DLGAP2: variants seen among roughly 807,000 people sequenced by gnomAD.
DLGAP2 encodes the protein disks large-associated protein 2.
In DLGAP2, 26 loss-of-function variants were observed where a neutral mutation model predicts 100.3. The observed-to-expected ratio is 0.26, with a 90% CI of 0.19 to 0.36. DLGAP2 has a LOEUF of 0.36. Among genes scored for constraint, DLGAP2 ranks in the 10% least tolerant of loss-of-function variants. The pLI, the probability that DLGAP2 is intolerant of heterozygous loss-of-function variation, is 1.00. For synonymous variants in DLGAP2, 886 were observed against 630.1 expected, an observed-to-expected ratio of 1.41 and a Z score of -6.08; for missense variants, 1,858 against 1,453.2, an observed-to-expected ratio of 1.28 and a Z score of -4.53.
chr8:1,319,126 C>G (rs991764452), intron 3 of DLGAP2, among the ~76,000 whole-genome samples: 21 of 152,228 alleles, frequency 1.4e-4, no homozygotes, highest in African/African-American at 4.8e-4. Context: ...GAGGGCCAAG[C>G]TCAGCTGGGA....
intron 4 of DLGAP2, among the ~76,000 whole-genome samples, chr8:1,501,998 T>C (rs190244547): frequency 2.8e-4 from 43 of 152,358 alleles, no homozygotes; most frequent in Admixed American, 1.3e-3. Context: ...CATCAGTCTT[T>C]TGACATGGAG....
chr8:1,460,333 C>G (rs544178998), intron 3 of DLGAP2, among the ~76,000 whole-genome samples: 1 of 152,232 alleles, frequency 6.6e-6, no homozygotes, highest in Non-Finnish European at 1.5e-5. Flanking sequence ...AGAAACTAAA[C>G]CACGGGCTCT....
intron 1 of DLGAP2, among the ~76,000 whole-genome samples, chr8:860,343 G>T (rs538429564): frequency 1.3e-5 from 2 of 152,212 alleles, no homozygotes; most frequent in African/African-American, 4.8e-5. Flanking sequence ...TGACACCAGC[G>T]AATAGCAGAG....
At chr8:1,359,729 G>C (rs1175662619) in intron 3 of DLGAP2, among the ~76,000 whole-genome samples, 1 of 152,232 alleles carries the variant, frequency 6.6e-6, no homozygotes, top group Non-Finnish European at 1.5e-5. Context: ...CGCGTTCCCT[G>C]CGCAGCGTGG....
chr8:1,319,520 A>G (rs1342109205), intron 3 of DLGAP2, among the ~76,000 whole-genome samples: 1 of 152,192 alleles, frequency 6.6e-6, no homozygotes, highest in East Asian at 1.9e-4. Flanking sequence ...CAGAGTGTTC[A>G]TTATGGGAAT....
At chr8:972,933 G>C (rs1269750124) in intron 2 of DLGAP2, among the ~76,000 whole-genome samples, 1 of 152,168 alleles carries the variant, frequency 6.6e-6, no homozygotes, top group African/African-American at 2.4e-5. Context: ...CACCGTGTTG[G>C]GGGTAAGGTC....
chr8:1,206,589 G>GTGATTAATCTC (rs1797999097), intron 2 of DLGAP2, among the ~76,000 whole-genome samples: 1 of 78,296 alleles, frequency 1.3e-5, no homozygotes, highest in African/African-American at 6.9e-5. Flanking sequence ...TAGACTGTGA[G>GTGATTAATCTC]CAGTTAATCT....
chr8:1,314,010 C>T (rs548161896), intron 3 of DLGAP2, among the ~76,000 whole-genome samples: 77 of 152,158 alleles, frequency 5.1e-4, no homozygotes, highest in African/African-American at 1.5e-3. Flanking sequence ...CTGTATGATA[C>T]GAAACACGTG....
At chr8:937,490 T>C (rs1159588731) in intron 2 of DLGAP2, among the ~76,000 whole-genome samples, 3 of 152,182 alleles carry the variant, frequency 2.0e-5, no homozygotes, top group Middle Eastern at 3.2e-3. Flanking sequence ...TGTCGCATGA[T>C]TTTCAAAGCC....
intron 3 of DLGAP2, among the ~76,000 whole-genome samples, chr8:1,451,709 T>C (rs893633884): frequency 5.9e-5 from 9 of 152,150 alleles, no homozygotes. Flanking sequence ...AGCCTCATGC[T>C]GCCTCCGCCT....
At chr8:1,507,067 C>T (rs57467928) in intron 4 of DLGAP2, among the ~76,000 whole-genome samples, 8,758 of 152,322 alleles carry the variant, frequency 0.057, 872 homozygotes, top group African/African-American at 0.2. Flanking sequence ...TAAAAGTTCT[C>T]CAAGTCCCCA....
chr8:1,143,386 T>G (rs1251527057), intron 2 of DLGAP2, among the ~76,000 whole-genome samples: 1 of 152,196 alleles, frequency 6.6e-6, no homozygotes, highest in Non-Finnish European at 1.5e-5. Context: ...CCACTCTGAG[T>G]ATCTCCCCTT....
At chr8:1,312,216 C>G (rs959819983) in intron 3 of DLGAP2, among the ~76,000 whole-genome samples, 1 of 152,202 alleles carries the variant, frequency 6.6e-6, no homozygotes, top group Non-Finnish European at 1.5e-5. Flanking sequence ...GATCACAGAC[C>G]TAAATATAAA....
chr8:914,786 G>C (rs117058068), intron 2 of DLGAP2, among the ~76,000 whole-genome samples: 1 of 152,356 alleles, frequency 6.6e-6, no homozygotes, highest in Non-Finnish European at 1.5e-5. Context: ...TGTGCTGAGA[G>C]GGTTCATGAC....
At chr8:1,377,441 G>C (rs1783049123) in intron 3 of DLGAP2, among the ~76,000 whole-genome samples, 1 of 152,344 alleles carries the variant, frequency 6.6e-6, no homozygotes, top group East Asian at 1.9e-4. Context: ...CTACTCTGGA[G>C]GCTGAGACAG....
chr8:744,529 C>T (rs1465398684), intron 1 of DLGAP2, among the ~76,000 whole-genome samples: 8 of 151,874 alleles, frequency 5.3e-5, no homozygotes, highest in African/African-American at 7.3e-5. Context: ...CTGCTCCCCA[C>T]GGTCACTCCC....
intron 3 of DLGAP2, among the ~76,000 whole-genome samples, chr8:1,456,385 G>A (rs186533166): frequency 5.3e-5 from 8 of 152,228 alleles, no homozygotes; most frequent in Admixed American, 2.0e-4. Flanking sequence ...TAATGGTGCC[G>A]TGTATCTAAA....
intron 3 of DLGAP2, among the ~76,000 whole-genome samples, chr8:1,424,165 TTCTC>T (rs1181188747): frequency 6.6e-6 from 1 of 152,230 alleles, no homozygotes; most frequent in African/African-American, 2.4e-5. Flanking sequence ...CTGCAGCTAT[TTCTC>T]TCTTTCACGC....
intron 8 of DLGAP2, among the ~76,000 whole-genome samples, chr8:1,661,549 C>T (rs974335255): frequency 1.3e-5 from 2 of 152,130 alleles, no homozygotes; most frequent in African/African-American, 4.8e-5. Flanking sequence ...GTTTATATAG[C>T]AGGGAAGAAA....
Sources: allele counts gnomAD v4.1 joint callset (sites outside exome capture counted in the v4.1 genomes callset), GRCh38; gene constraint gnomAD v4.1.1; transcripts MANE v1.5; gene names NCBI Gene and HGNC (gene_info 2026-07-23, HGNC 2026-07-21).